FBXL22: variants seen among roughly 807,000 people sequenced by gnomAD.
The protein encoded by FBXL22 is F-box and leucine-rich protein 22.
Under a neutral mutation model 11.7 loss-of-function variants are expected in FBXL22, and 13 were observed. That is an observed-to-expected ratio of 1.11 (90% CI 0.73 to 1.77). The LOEUF (loss-of-function observed/expected upper bound fraction) is 1.77. FBXL22 is among the 40% of genes most tolerant of loss of function. The pLI, the probability that FBXL22 is intolerant of heterozygous loss-of-function variation, is 0.00. For missense variants in FBXL22, 406 were observed against 320.4 expected, an observed-to-expected ratio of 1.27 and a Z score of -2.04; for synonymous variants, 160 against 144.1, an observed-to-expected ratio of 1.11 and a Z score of -0.79.
At chr15:63,598,075 G>A (rs1301954206) in intron 1 of FBXL22, among the ~76,000 whole-genome samples, 1 of 152,110 alleles carries the variant, frequency 6.6e-6, no homozygotes, top group Non-Finnish European at 1.5e-5. Context: ...CTGGGAAAAG[G>A]CTTCCAGATG....
downstream of FBXL22, among the ~76,000 whole-genome samples, chr15:63,603,322 A>C (rs780314473): frequency 1.3e-5 from 2 of 152,006 alleles, no homozygotes; most frequent in African/African-American, 2.4e-5. Flanking sequence ...CCTTTTAAAA[A>C]CCCTAAAAAT....
chr15:63,600,467 G>A (rs973036036), intron 1 of FBXL22: 13 of 1,218,876 alleles, frequency 1.1e-5, no homozygotes, highest in South Asian at 4.3e-5. Flanking sequence ...CCAAGGCTAC[G>A]AGCCAAGAAC....
intron 1 of FBXL22, chr15:63,599,842 G>A (rs534180423): frequency 4.1e-6 from 4 of 985,856 alleles, no homozygotes; most frequent in South Asian, 9.4e-5. Context: ...AGCGGGTTAG[G>A]ACTGCCTGTG....
rs1595793122 is a variant in FBXL22, at chr15:63,598,099, A to T, written c.353+354A>T. 2.6e-5 allele frequency among the ~76,000 whole-genome samples: 4 copies of T among 151,954 alleles called. 1 individual carries two copies. Among genetic ancestry groups the T allele is most frequent in the African/African-American group, 9.7e-5 (4 of 41,418 alleles). ...GGCTTCCAGATGCAGCAATCAGCTC[A>T]CCCCTCCATTAGGCCTAGCAAGCAG... On this transcript the variant is annotated intron_variant, in intron 1 of 1. Transcript: ENST00000638704.
At chr15:63,607,714 G>A in the FBXL22 span, among the ~76,000 whole-genome samples, 3 of 152,176 alleles carry the variant, frequency 2.0e-5, no homozygotes, top group African/African-American at 7.2e-5. Flanking sequence ...TGTCTGTCTG[G>A]CACCTCATTT....
downstream of FBXL22, among the ~76,000 whole-genome samples, chr15:63,604,628 C>A (rs1390059335): frequency 6.6e-6 from 1 of 152,216 alleles, no homozygotes; most frequent in African/African-American, 2.4e-5. Flanking sequence ...AAACACTTAA[C>A]AGAGCGCAAT....
At chr15:63,605,976 G>A (rs2067411036), downstream of FBXL22, among the ~76,000 whole-genome samples, 1 of 152,222 alleles carries the variant, frequency 6.6e-6, no homozygotes, top group Non-Finnish European at 1.5e-5. Flanking sequence ...GCAGGAGGTG[G>A]TGCTCTGAGG....
At chr15:63,599,555 C>T in intron 1 of FBXL22, 1 of 1,051,710 alleles carries the variant, frequency 9.5e-7, no homozygotes. Flanking sequence ...GACGGGGTGA[C>T]TAATGAGGGC....
Position 63,597,482 on chromosome 15 carries a change from G to C in FBXL22, c.90G>C (p.Lys30Asn). The change falls in exon 1 of 2, where the codon AAG becomes AAC. Residue 30 changes from lysine (K) to asparagine (N), a missense_variant. Physicochemically the swap from Lys to Asn is moderately conservative, Grantham distance 94. Transcript: ENST00000638704. The surrounding 1 kb of genome is among the most constrained non-coding windows in gnomAD (Gnocchi z 4.3). ...LFSFLDKDSR[K>N]SLARTCSQLH... Reference sequence around the variant, plus strand: ...CCTTCCTAGACAAGGACAGCAGGAAGAGCCTTGCCAGGACCTGCTCCCAGC... The same window carrying C: ...CCTTCCTAGACAAGGACAGCAGGAACAGCCTTGCCAGGACCTGCTCCCAGC... 1.9e-6 allele frequency: 3 copies of C among 1,614,104 alleles called. No individual in the cohort carries two copies. The highest frequency in any genetic ancestry group is 2.5e-6 in the Non-Finnish European group (3 of 1,180,026).
At position 63,597,470 on chromosome 15, in the gene FBXL22, G is replaced by A; in HGVS notation, c.78G>A (p.Lys26=). 6.2e-7 allele frequency: 1 copy of A among 1,614,054 alleles called. No homozygotes were observed. The highest frequency in any genetic ancestry group is 8.5e-7 in the Non-Finnish European group (1 of 1,180,026). Residue 26 remains lysine, a synonymous_variant, in exon 1 of 2, where the codon AAG becomes AAA. Transcript: ENST00000638704. This position sits in a 1 kb window ranked among gnomAD's most constrained non-coding sequence, Gnocchi z 4.3. ...TGCACCTCTTCTCCTTCCTAGACAA[G>A]GACAGCAGGAAGAGCCTTGCCAGGA... is the stretch of plus-strand genomic sequence containing the variant. The part of the protein sequence containing the change: ...CLLHLFSFLD[K]DSRKSLARTC...
chr15:63,606,734 T>C (rs959732477), downstream of FBXL22, among the ~76,000 whole-genome samples: 1 of 152,192 alleles, frequency 6.6e-6, no homozygotes, highest in Non-Finnish European at 1.5e-5. Flanking sequence ...TAACAGTTTC[T>C]GGCAACGAAA....
At chr15:63,600,529 T>C in intron 1 of FBXL22, 168 bp from the exon 2 acceptor site, 1 of 1,228,810 alleles carries the variant, frequency 8.1e-7, no homozygotes, top group Admixed American at 4.2e-5. Context: ...GGAGGGAAAA[T>C]GGGCCGGCCA....
chr15:63,600,896 G>A lies in FBXL22; in HGVS notation c.553G>A (p.Val185Met), dbSNP rs2067359714. The change falls in exon 2 of 2, where the codon GTG becomes ATG. Residue 185 changes from valine to methionine, a missense_variant. Coordinates refer to ENST00000638704, the MANE Select transcript of FBXL22 (RefSeq NM_001367807.1). ...ATTGCACGTGGACTTCTGCCGCAAC[G>A]TGAGCGCGGCCGGCCTGCGCCGCCT... ...QTLHVDFCRN[V>M]SAAGLRRLRA... 22 of 1,224,174 alleles carry A rather than the reference G, an allele frequency of 1.8e-5. No individual in the cohort carries two copies. The highest frequency in any genetic ancestry group is 2.2e-5 in the Non-Finnish European group (22 of 982,898). The allele number at this position is 1,224,174 out of a possible 1,614,324, so 75.8% of individuals were successfully genotyped here.
intron 1 of FBXL22, chr15:63,599,567 C>T: frequency 9.7e-7 from 1 of 1,035,842 alleles, no homozygotes; most frequent in South Asian, 4.1e-5. Context: ...AATGAGGGCA[C>T]ACAAACCTGA....
chr15:63,601,725 G>A (rs773578667), downstream of FBXL22: 6 of 1,585,960 alleles, frequency 3.8e-6, no homozygotes, highest in Admixed American at 1.0e-4. Flanking sequence ...CCCAATTGTT[G>A]AATGCTTACA....
intron 1 of FBXL22, among the ~76,000 whole-genome samples, chr15:63,598,586 G>A (rs925542851): frequency 2.0e-5 from 3 of 152,094 alleles, no homozygotes; most frequent in Non-Finnish European, 4.4e-5. Flanking sequence ...TGCCAGTCCC[G>A]TGCTGCCTTT....
rs1291558027 is a variant in FBXL22 at position 63,600,929 on chromosome 15, G to C, written c.586G>C (p.Ala196Pro). The change falls in exon 2 of 2, where the codon GCG becomes CCG. Residue 196 changes from alanine to proline, a missense_variant. By Grantham distance (27) the Ala-to-Pro change is conservative. Transcript: ENST00000638704. ...GGCCGGCCTGCGCCGCCTGCGCGCCGCGTGCCCGCGCCTGGCCCTGCGGGC... is the reference window on the plus strand; with the variant it reads ...GGCCGGCCTGCGCCGCCTGCGCGCCCCGTGCCCGCGCCTGGCCCTGCGGGC... ...SAAGLRRLRA[A>P]CPRLALRAEH... 48 of 1,207,146 alleles carry C rather than the reference G, an allele frequency of 4.0e-5. No homozygotes were observed. The highest frequency in any genetic ancestry group is 4.3e-5 in the Non-Finnish European group (42 of 972,262). 74.8% of individuals were successfully genotyped at this position (1,207,146 alleles called of 1,614,324 possible). A position where few individuals can be genotyped will look rare whatever the true frequency, so the allele number is the denominator to read the frequency against.
chr15:63,600,357 A>G, intron 1 of FBXL22: 2 of 1,088,812 alleles, frequency 1.8e-6, no homozygotes, highest in Non-Finnish European at 2.2e-6. Flanking sequence ...AGAGCGAAAC[A>G]AAGAGTCAAG....
chr15:63,601,590 G>A (rs748956236), downstream of FBXL22: 2 of 1,576,362 alleles, frequency 1.3e-6, no homozygotes, highest in African/African-American at 1.3e-5. Context: ...AGGGGCGCAC[G>A]GGCAGAAGGA....
Sources: gnomAD v4.1 joint callset for allele counts (sites outside exome capture counted in the v4.1 genomes callset) on GRCh38, gnomAD v4.1.1 for gene constraint, Gnocchi (gnomAD v3.1) non-coding constraint, MANE v1.5 for transcripts, NCBI Gene and HGNC (gene_info 2026-07-23, HGNC 2026-07-21) for gene names.